Variants in TNNI3K observed in about 807,000 individuals in gnomAD.
TNNI3K encodes TNNI3 interacting kinase, also known as serine/threonine-protein kinase TNNI3K.
A neutral mutation model predicts 114.5 loss-of-function variants in TNNI3K; 140 were observed. The ratio of observed to expected loss-of-function variants is 1.22; its 90% CI spans 1.07 to 1.41. The LOEUF is 1.41. Among genes scored for constraint, TNNI3K ranks in the 40% most tolerant of loss-of-function variants. TNNI3K has a pLI of 0.00. For synonymous variants in TNNI3K, 347 were observed against 347.5 expected (o/e 1.00, Z 0.02); for missense variants, 1,125 against 1,007.6 (o/e 1.12, Z -1.58).
At chr1:74,345,083 A>G (rs1249630338) in intron 9 of TNNI3K, among the ~76,000 whole-genome samples, 1 of 152,112 alleles carries the variant, frequency 6.6e-6, no homozygotes, top group East Asian at 1.9e-4. Flanking sequence ...ACACATGCAC[A>G]TATATACACA....
At chr1:74,332,038 G>A (rs12132446) in intron 6 of TNNI3K, among the ~76,000 whole-genome samples, 5,362 of 152,112 alleles carry the variant, frequency 0.035, 141 homozygotes, top group Non-Finnish European at 0.056. Context: ...AATTACTAAT[G>A]TGCTTTATAA....
chr1:74,507,766 T>C (rs111993820), intron 23 of TNNI3K, among the ~76,000 whole-genome samples: 1 of 152,360 alleles, frequency 6.6e-6, no homozygotes, highest in African/African-American at 2.4e-5. Flanking sequence ...TAGTGTACTA[T>C]GGCATGAGCT....
intron 23 of TNNI3K, among the ~76,000 whole-genome samples, chr1:74,534,755 T>C (rs901030486): frequency 7.9e-5 from 12 of 152,298 alleles, no homozygotes; most frequent in Admixed American, 6.5e-4. Flanking sequence ...AATTCTTGTT[T>C]AGCAGTTCTG....
At chr1:74,344,974 T>C (rs1054584549) in intron 9 of TNNI3K, among the ~76,000 whole-genome samples, 18 of 152,116 alleles carry the variant, frequency 1.2e-4, no homozygotes, top group African/African-American at 4.1e-4. Flanking sequence ...TTCATATGTA[T>C]ACACACACAT....
chr1:74,285,372 C>T (rs1657264378), intron 5 of TNNI3K, among the ~76,000 whole-genome samples: 1 of 152,190 alleles, frequency 6.6e-6, no homozygotes, highest in Non-Finnish European at 1.5e-5. Flanking sequence ...ATTAAATTAA[C>T]TGCTACCCAT....
chr1:74,353,739 T>C (rs1170726263), intron 10 of TNNI3K, among the ~76,000 whole-genome samples: 3 of 151,918 alleles, frequency 2.0e-5, no homozygotes, highest in East Asian at 1.9e-4. Flanking sequence ...GATGTAGAAA[T>C]ACTATAATTG....
At chr1:74,536,105 T>C (rs1310348326) in intron 23 of TNNI3K, among the ~76,000 whole-genome samples, 5 of 152,182 alleles carry the variant, frequency 3.3e-5, no homozygotes, top group African/African-American at 1.2e-4. Context: ...ATTAACTCAC[T>C]AGCCTAGTTT....
intron 11 of TNNI3K, among the ~76,000 whole-genome samples, chr1:74,359,756 G>A (rs140429375): frequency 1.4e-3 from 216 of 152,108 alleles, no homozygotes; most frequent in African/African-American, 5.1e-3. Flanking sequence ...AGTCAAGGAG[G>A]AATGTCAAAG....
intron 17 of TNNI3K, among the ~76,000 whole-genome samples, chr1:74,427,132 G>T (rs1278679635): frequency 6.6e-6 from 1 of 151,818 alleles, no homozygotes; most frequent in Non-Finnish European, 1.5e-5. Context: ...CTTTGTTCTG[G>T]AAGACTTGTG....
At chr1:74,361,451 G>C (rs1661961989) in intron 11 of TNNI3K, among the ~76,000 whole-genome samples, 1 of 151,948 alleles carries the variant, frequency 6.6e-6, no homozygotes, top group Admixed American at 6.6e-5. Context: ...GAATATAAAA[G>C]TAAATAATAT....
At chr1:74,254,508 A>G (rs939740363) in intron 4 of TNNI3K, among the ~76,000 whole-genome samples, 6 of 152,100 alleles carry the variant, frequency 3.9e-5, no homozygotes, top group Non-Finnish European at 8.8e-5. Context: ...AATATTTTTC[A>G]TGCATACCAG....
intron 6 of TNNI3K, among the ~76,000 whole-genome samples, chr1:74,334,840 A>C (rs902542369): frequency 1.1e-4 from 17 of 152,220 alleles, no homozygotes; most frequent in Non-Finnish European, 2.4e-4. Context: ...GGAAGAGATC[A>C]TTCAGAGAAG....
At chr1:74,497,621 C>G (rs1453796954) in intron 23 of TNNI3K, among the ~76,000 whole-genome samples, 1 of 151,486 alleles carries the variant, frequency 6.6e-6, no homozygotes, top group Non-Finnish European at 1.5e-5. Context: ...CACATACATT[C>G]CTCCACACAC....
At chr1:74,352,696 A>G (rs918058997) in intron 9 of TNNI3K, among the ~76,000 whole-genome samples, 6 of 152,096 alleles carry the variant, frequency 3.9e-5, no homozygotes, top group Non-Finnish European at 8.8e-5. Context: ...CCTCGCTGCC[A>G]CCTTGTAGTT....
At chr1:74,422,719 A>G (rs1396151175) in intron 17 of TNNI3K, among the ~76,000 whole-genome samples, 1 of 152,066 alleles carries the variant, frequency 6.6e-6, no homozygotes, top group Non-Finnish European at 1.5e-5. Context: ...TCTTGTTTCC[A>G]TTACCATGGA....
intron 5 of TNNI3K, among the ~76,000 whole-genome samples, chr1:74,320,538 TGAA>T (rs1659550955): frequency 6.6e-6 from 1 of 152,256 alleles, no homozygotes; most frequent in African/African-American, 2.4e-5. Flanking sequence ...GTTTTATTAA[TGAA>T]GGAGTTCCAA....
intron 4 of TNNI3K, among the ~76,000 whole-genome samples, chr1:74,259,573 G>A (rs566254279): frequency 4.2e-4 from 64 of 152,102 alleles, no homozygotes; most frequent in Non-Finnish European, 6.5e-4. Flanking sequence ...CTTGAGCTCC[G>A]GAGTTTGAAA....
intron 23 of TNNI3K, among the ~76,000 whole-genome samples, chr1:74,502,126 G>A (rs1669664890): frequency 6.6e-6 from 1 of 152,112 alleles, no homozygotes; most frequent in African/African-American, 2.4e-5. Flanking sequence ...ACAAGAGTCA[G>A]TATGAGAACT....
Position 74,411,613 on chromosome 1 carries a change from G to T in TNNI3K, c.1773-24467G>T, listed in dbSNP as rs547764643. Among the ~76,000 whole-genome samples, 3 of 151,158 alleles carry T rather than the reference G, an allele frequency of 2.0e-5. No homozygotes were observed. The Admixed American group carries it at 2.0e-4, about 10-fold the overall frequency. ...ATGCATTTATTCACTCACATTTTTTGATTGCCTACTATGTGTCTTACACTG... is the reference window on the plus strand; with the variant it reads ...ATGCATTTATTCACTCACATTTTTTTATTGCCTACTATGTGTCTTACACTG... On this transcript the variant is annotated intron_variant, in intron 17 of 24. Transcript: ENST00000326637.
Sources: gnomAD v4.1 joint callset for allele counts (sites outside exome capture counted in the v4.1 genomes callset) on GRCh38, gnomAD v4.1.1 for gene constraint, MANE v1.5 for transcripts, NCBI Gene and HGNC (gene_info 2026-07-23, HGNC 2026-07-21) for gene names.